TOX4: variants seen among roughly 807,000 people sequenced by gnomAD.
The protein encoded by TOX4 is TOX high mobility group box family member 4.
A neutral mutation model predicts 61.0 loss-of-function variants in TOX4; 12 were observed. The ratio of observed to expected loss-of-function variants is 0.20; its 90% CI spans 0.13 to 0.32. The LOEUF is 0.32. TOX4 is among the 10% of genes least tolerant of loss of function. The probability of loss-of-function intolerance (pLI) is 1.00; values close to 1 mark genes in which losing one functional copy is unlikely to be tolerated. For synonymous variants in TOX4, 268 were observed against 274.8 expected (o/e 0.98, Z 0.24); for missense variants, 499 against 753.3 (o/e 0.66, Z 3.95).
chr14:21,487,750 G>T, intron 3 of TOX4, 57 bp downstream of exon 3: 1 of 1,539,604 alleles, frequency 6.5e-7, no homozygotes, highest in Non-Finnish European at 8.8e-7. Flanking sequence ...CATTAGGGGA[G>T]ACAAAGTTAC....
In TOX4 at chr14:21,498,418, G is replaced by A. The variant is rs1342511966; in HGVS notation, c.*1812G>A. On this transcript the variant is annotated 3_prime_UTR_variant, in exon 9 of 9. Coordinates refer to ENST00000448790, the MANE Select transcript of TOX4 (RefSeq NM_014828.4). The stretch of plus-strand genomic sequence containing the variant: ...CAAACCAGAAATCCTGGAATTAGAG[G>A]GTTTAATATTGTTAAAAAATGCATA... The A allele has an allele frequency of 4.5e-6, 7 of 1,570,552 alleles. No homozygotes were observed. Among genetic ancestry groups the A allele is most frequent in the East Asian group, 2.2e-5 (1 of 44,568 alleles).
In TOX4 at chr14:21,492,900, A is replaced by AGCTGCTGCT; in HGVS notation, c.1294_1302dup (p.Ala432_Ala434dup). ...CTCGGTCAGTGTTGCAGGCAGCAGC[A>AGCTGCTGCT]GCTGCTGCTGCTGCTGCTTCTATGC... On this transcript the variant is annotated inframe_insertion, in exon 7 of 9. Coordinates refer to ENST00000448790, the MANE Select transcript of TOX4 (RefSeq NM_014828.4). 2.5e-6 allele frequency: 4 copies of AGCTGCTGCT among 1,605,294 alleles called. No homozygotes were observed. The highest frequency in any genetic ancestry group is 2.5e-6 in the Non-Finnish European group (3 of 1,177,754).
rs541886276 is a variant in TOX4 at position 21,491,780 on chromosome 14, G to A, written c.811-516G>A. Among the ~76,000 whole-genome samples the A allele has an allele frequency of 2.8e-3, 417 of 151,278 alleles. 2 individuals are homozygous for A. Among genetic ancestry groups the A allele is most frequent in the African/African-American group, 8.0e-3 (330 of 41,354 alleles). On this transcript the variant is annotated intron_variant, in intron 5 of 8. Transcript: ENST00000448790. ...TAATCCCAGCACTTTGGGAGGCAGA[G>A]GCAGGCGGATCACAAGGTCAGGAGA...
chr14:21,486,542 T>C (rs932536803), intron 2 of TOX4, among the ~76,000 whole-genome samples: 3 of 152,210 alleles, frequency 2.0e-5, no homozygotes, highest in Non-Finnish European at 4.4e-5. Flanking sequence ...TTCAAGGTCT[T>C]GTACCCAGGT....
Position 21,495,210 on chromosome 14 carries a change from A to T in TOX4, c.1642-19A>T. The T allele has an allele frequency of 1.9e-6, 3 of 1,612,540 alleles. No homozygotes were observed. Among genetic ancestry groups the T allele is most frequent in the Non-Finnish European group, 2.5e-6 (3 of 1,179,522 alleles). Reference sequence around the variant, plus strand: ...AGGGAGCAATCTAATCCACCTTGGTACTCTTCTTCTTCTCACAGGTTGAGT... The same window carrying T: ...AGGGAGCAATCTAATCCACCTTGGTTCTCTTCTTCTTCTCACAGGTTGAGT... On this transcript the variant is annotated intron_variant, in intron 7 of 8. Transcript: ENST00000448790.
rs543049034 is a variant in TOX4, at chr14:21,493,152, G to A, written c.1536G>A (p.Val512=). The stretch of plus-strand genomic sequence containing the variant: ...AGACTACCTTAGTCCCACCAACTGT[G>A]GAAAGTAGTCCTGAGCGGCCTATGA... ...KMQTTLVPPT[V]ESSPERPMNN... is the part of the protein sequence containing the mutation. The change falls in exon 7 of 9, where the codon GTG becomes GTA. Residue 512 remains valine (V), a synonymous_variant. Transcript: ENST00000448790. 6 of 1,614,174 alleles carry A rather than the reference G, an allele frequency of 3.7e-6. No individual in the cohort carries two copies. Among genetic ancestry groups the A allele is most frequent in the East Asian group, 4.5e-5 (2 of 44,884 alleles).
chr14:21,479,413 G>A (rs984612870), intron 2 of TOX4, among the ~76,000 whole-genome samples: 5 of 151,900 alleles, frequency 3.3e-5, no homozygotes, highest in African/African-American at 1.2e-4. Context: ...CACTTTGGGA[G>A]GCCAAGGAGG....
intron 2 of TOX4, among the ~76,000 whole-genome samples, chr14:21,483,854 C>A (rs1466999343): frequency 6.6e-6 from 1 of 152,028 alleles, no homozygotes; most frequent in African/African-American, 2.4e-5. Flanking sequence ...GTCATCCAGG[C>A]TGGAGTGCAG....
Position 21,498,936 on chromosome 14 carries a change from G to T in TOX4, c.*2330G>T. On this transcript the variant is annotated 3_prime_UTR_variant, in exon 9 of 9. Transcript: ENST00000448790. The stretch of plus-strand genomic sequence containing the variant: ...TCCTGTGAAGCTCATTTATGGACTA[G>T]TGTAAAACAATGTGAAGCTCTACTA... 1 of 868,324 alleles carries T rather than the reference G, an allele frequency of 1.2e-6. No individual in the cohort carries two copies. Among genetic ancestry groups the T allele is most frequent in the Non-Finnish European group, 1.9e-6 (1 of 519,018 alleles). 53.8% of individuals were successfully genotyped at this position (868,324 alleles called of 1,614,324 possible).
chr14:21,481,219 C>G (rs1891102463), intron 2 of TOX4, among the ~76,000 whole-genome samples: 1 of 152,094 alleles, frequency 6.6e-6, no homozygotes, highest in African/African-American at 2.4e-5. Flanking sequence ...TGCTCTGTCA[C>G]CCAGGCTGGA....
At position 21,496,555 on chromosome 14, in the gene TOX4, C is replaced by A; in HGVS notation, c.1815C>A (p.Phe605Leu). 6.2e-7 allele frequency: 1 copy of A among 1,612,404 alleles called. No homozygotes were observed. Among genetic ancestry groups the A allele is most frequent in the Non-Finnish European group, 8.5e-7 (1 of 1,178,990 alleles). ...TCTTTTTCTCTCTTAGGGATGTATT[C>A]TTGGCCTGGGTAGCCTCTAGAAATT... ...ECVVKHCRDV[F>L]LAWVASRNSN... The change falls in exon 9 of 9, where the codon TTC becomes TTA. Residue 605 changes from phenylalanine to leucine, a missense_variant. Transcript: ENST00000448790.
In TOX4 at chr14:21,492,751, A is replaced by G; in HGVS notation, c.1135A>G (p.Ile379Val). 1 of 1,614,116 alleles carries G rather than the reference A, an allele frequency of 6.2e-7. No homozygotes were observed. Among genetic ancestry groups the G allele is most frequent in the South Asian group, 1.1e-5 (1 of 91,078 alleles). Residue 379 changes from isoleucine to valine, a missense_variant, in exon 7 of 9, where the codon ATT (isoleucine) becomes GTT (valine). Physicochemically the swap from Ile to Val is conservative, Grantham distance 29. Transcript: ENST00000448790. ...IITKQMLPSS[I>V]TMSQGGMVTV... Reference sequence around the variant, plus strand: ...TACCAAACAAATGTTGCCCTCTTCTATTACTATGTCTCAAGGAGGGATGGT... The same window carrying G: ...TACCAAACAAATGTTGCCCTCTTCTGTTACTATGTCTCAAGGAGGGATGGT...
At chr14:21,493,570 T>C (rs1311600718) in intron 7 of TOX4, among the ~76,000 whole-genome samples, 3 of 151,910 alleles carry the variant, frequency 2.0e-5, no homozygotes, top group East Asian at 1.9e-4. Context: ...GCCTCCCGAG[T>C]GGCTGGGATT....
intron 5 of TOX4, 135 bp from the exon 6 acceptor site, chr14:21,492,161 T>C (rs966882723): frequency 1.2e-6 from 1 of 817,688 alleles, no homozygotes; most frequent in African/African-American, 1.7e-5. Context: ...GCTTTCAGAA[T>C]TGAATTCACT....
intron 4 of TOX4, 86 bp downstream of exon 4, chr14:21,488,936 C>A: frequency 6.5e-7 from 1 of 1,547,144 alleles, no homozygotes; most frequent in Non-Finnish European, 8.8e-7. Context: ...GTATTCTTTA[C>A]CCTTGCCGTG....
In TOX4 at chr14:21,497,490, C is replaced by T. The variant is rs547432072; in HGVS notation, c.*884C>T. ...CAACCAGCTACGTACATAGTTTTAT[C>T]CTATGCATTCCTGTTTTCTGTGTGT... On this transcript the variant is annotated 3_prime_UTR_variant, in exon 9 of 9. Coordinates refer to ENST00000448790, the MANE Select transcript of TOX4 (RefSeq NM_014828.4). The T allele has an allele frequency of 2.0e-5, 3 of 149,380 alleles. No individual in the cohort carries two copies. Among genetic ancestry groups the T allele is most frequent in the Admixed American group, 1.3e-4 (2 of 14,978 alleles). 9.3% of individuals were successfully genotyped at this position (149,380 alleles called of 1,614,324 possible). A position where few individuals can be genotyped will look rare whatever the true frequency, so the allele number is the denominator to read the frequency against.
chr14:21,477,638 A>G (rs750746421), intron 2 of TOX4, 74 bp downstream of exon 2: 25 of 1,536,380 alleles, frequency 1.6e-5, no homozygotes, highest in Non-Finnish European at 1.6e-5. Flanking sequence ...GGAGGAGAGC[A>G]CGGACTCCGG....
intron 2 of TOX4, 35 bp from the exon 3 acceptor site, chr14:21,487,416 T>G (rs985130433): frequency 8.1e-6 from 13 of 1,604,454 alleles, no homozygotes; most frequent in Non-Finnish European, 1.1e-5. Flanking sequence ...TTCTCCTCTT[T>G]TCACTAATTC....
chr14:21,482,445 T>C, intron 2 of TOX4: 1 of 398,342 alleles, frequency 2.5e-6, no homozygotes. Context: ...ATAGATTGTA[T>C]GTTTTGGGAT....
Sources: gnomAD v4.1 joint callset for allele counts (sites outside exome capture counted in the v4.1 genomes callset) on GRCh38, gnomAD v4.1.1 for gene constraint, MANE v1.5 for transcripts, NCBI Gene and HGNC (gene_info 2026-07-23, HGNC 2026-07-21) for gene names.